The following DYNC1I1 variants were observed in gnomAD, a reference collection of about 807,000 sequenced individuals.
DYNC1I1 encodes the protein dynein cytoplasmic 1 intermediate chain 1.
Under a neutral mutation model 86.6 loss-of-function variants are expected in DYNC1I1, and 43 were observed. That is an observed-to-expected ratio of 0.50 (90% CI 0.39 to 0.64). The LOEUF is 0.64. Ranked by LOEUF, DYNC1I1 falls within the 30% of genes least tolerant of loss-of-function variation. DYNC1I1 has a pLI of 0.00. For synonymous variants in DYNC1I1, 262 were observed against 283.7 expected (o/e 0.92, Z 0.77); for missense variants, 604 against 788.8 (o/e 0.77, Z 2.81).
intron 5 of DYNC1I1, among the ~76,000 whole-genome samples, chr7:95,852,518 A>AT (rs1277128711): frequency 2.0e-5 from 3 of 151,086 alleles, no homozygotes. Context: ...TATTATTATT[A>AT]TTATTTTGAG....
chr7:96,103,336 G>A (rs1369102138), downstream of DYNC1I1, among the ~76,000 whole-genome samples: 2 of 152,162 alleles, frequency 1.3e-5, 1 homozygote, highest in Non-Finnish European at 2.9e-5. Flanking sequence ...TGAGCACCCA[G>A]TTATCTCCTT....
chr7:96,012,689 C>T (rs971955913), intron 10 of DYNC1I1, among the ~76,000 whole-genome samples: 13 of 152,026 alleles, frequency 8.6e-5, no homozygotes, highest in Non-Finnish European at 1.3e-4. Flanking sequence ...TGGGAATCAG[C>T]TGAATTTACA....
At chr7:96,000,436 G>A (rs1243099048) in intron 10 of DYNC1I1, among the ~76,000 whole-genome samples, 3 of 152,068 alleles carry the variant, frequency 2.0e-5, no homozygotes, top group Non-Finnish European at 4.4e-5. Flanking sequence ...TGACATAAAG[G>A]TAAAATTAAA....
chr7:96,010,714 A>T (rs1421093505), intron 10 of DYNC1I1, among the ~76,000 whole-genome samples: 1 of 152,188 alleles, frequency 6.6e-6, no homozygotes, highest in African/African-American at 2.4e-5. Context: ...ACCTAATCAA[A>T]ATCATAAGGA....
chr7:95,813,675 C>T (rs117785755), intron 4 of DYNC1I1, among the ~76,000 whole-genome samples: 2 of 152,094 alleles, frequency 1.3e-5, no homozygotes, highest in Admixed American at 1.3e-4. Flanking sequence ...TATCCAGCTT[C>T]TTATTATCCT....
At chr7:95,789,441 C>A (rs930854178) in intron 1 of DYNC1I1, among the ~76,000 whole-genome samples, 1 of 152,210 alleles carries the variant, frequency 6.6e-6, no homozygotes, top group Non-Finnish European at 1.5e-5. Context: ...CTTTCGAGAA[C>A]ACCCACTTTG....
intron 16 of DYNC1I1, among the ~76,000 whole-genome samples, chr7:96,107,558 G>T (rs1009092482): frequency 2.0e-5 from 3 of 147,906 alleles, no homozygotes. Flanking sequence ...TTGAAATAGA[G>T]TCTTGCTCTA....
At chr7:95,951,850 A>G (rs768460617) in intron 6 of DYNC1I1, among the ~76,000 whole-genome samples, 16 of 152,174 alleles carry the variant, frequency 1.1e-4, no homozygotes, top group Admixed American at 2.6e-4. Flanking sequence ...CAGCCAAGTC[A>G]AGGTCAGGAA....
intron 14 of DYNC1I1, among the ~76,000 whole-genome samples, chr7:96,066,245 A>G (rs118163970): frequency 1.7e-4 from 26 of 152,214 alleles, no homozygotes; most frequent in Middle Eastern, 3.4e-3. Flanking sequence ...TTTCCTTACC[A>G]TCTGTCAAAG....
chr7:95,883,072 A>G (rs1390511227), intron 6 of DYNC1I1, among the ~76,000 whole-genome samples: 3 of 152,172 alleles, frequency 2.0e-5, no homozygotes, highest in Non-Finnish European at 2.9e-5. Context: ...AAATTACTTG[A>G]TCAATTAGTT....
At chr7:95,937,213 C>T (rs1042380708) in intron 6 of DYNC1I1, among the ~76,000 whole-genome samples, 6 of 151,844 alleles carry the variant, frequency 4.0e-5, no homozygotes, top group African/African-American at 7.3e-5. Context: ...GTTTCAGTTA[C>T]GTAGGGTGGA....
At chr7:95,877,131 G>A (rs1244736356) in intron 6 of DYNC1I1, among the ~76,000 whole-genome samples, 1 of 152,104 alleles carries the variant, frequency 6.6e-6, no homozygotes, top group African/African-American at 2.4e-5. Flanking sequence ...CCCACTTGGA[G>A]AGCTATTGTA....
chr7:95,888,099 G>A (rs555900643), intron 6 of DYNC1I1, among the ~76,000 whole-genome samples: 4 of 152,226 alleles, frequency 2.6e-5, no homozygotes, highest in East Asian at 1.9e-4. Flanking sequence ...AAGACTAATC[G>A]AGAATAACAC....
chr7:96,061,709 CTCTCACA>C (rs1789779527), intron 14 of DYNC1I1, among the ~76,000 whole-genome samples: 3 of 134,354 alleles, frequency 2.2e-5, no homozygotes, highest in Admixed American at 2.2e-4. Flanking sequence ...CTCTCTCTCT[CTCTCACA>C]CACACACACA....
intron 10 of DYNC1I1, among the ~76,000 whole-genome samples, chr7:96,002,988 C>T (rs1198293639): frequency 5.3e-5 from 8 of 152,120 alleles, no homozygotes; most frequent in Non-Finnish European, 8.8e-5. Context: ...GGATTACAGG[C>T]GCACACCACC....
At chr7:95,926,303 A>G (rs527251336) in intron 6 of DYNC1I1, among the ~76,000 whole-genome samples, 2 of 152,310 alleles carry the variant, frequency 1.3e-5, no homozygotes, top group East Asian at 3.9e-4. Flanking sequence ...TAGACTAGCT[A>G]TATAAATTAA....
At chr7:95,909,105 C>T (rs1201718352) in intron 6 of DYNC1I1, among the ~76,000 whole-genome samples, 2 of 146,314 alleles carry the variant, frequency 1.4e-5, no homozygotes, top group Admixed American at 1.4e-4. Context: ...GGGATAAAGA[C>T]AGTTCTAATT....
At chr7:96,004,724 G>C (rs1381225577) in intron 10 of DYNC1I1, among the ~76,000 whole-genome samples, 1 of 151,698 alleles carries the variant, frequency 6.6e-6, no homozygotes, top group African/African-American at 2.4e-5. Context: ...TCACAAAAGA[G>C]AATTATAGTA....
At chr7:95,793,111 G>A (rs1013402922) in intron 1 of DYNC1I1, among the ~76,000 whole-genome samples, 1 of 152,066 alleles carries the variant, frequency 6.6e-6, no homozygotes, top group African/African-American at 2.4e-5. Flanking sequence ...CGTGGAGGAC[G>A]TATCATCAGG....
Sources: allele counts gnomAD v4.1 joint callset (sites outside exome capture counted in the v4.1 genomes callset), GRCh38; gene constraint gnomAD v4.1.1; transcripts MANE v1.5; gene names NCBI Gene and HGNC (gene_info 2026-07-23, HGNC 2026-07-21).